KCNT1: variants seen among roughly 807,000 people sequenced by gnomAD.
KCNT1 encodes potassium sodium-activated channel subfamily T member 1.
A neutral mutation model predicts 147.8 loss-of-function variants in KCNT1; 78 were observed. The ratio of observed to expected loss-of-function variants is 0.53; its 90% CI spans 0.44 to 0.64. KCNT1 has a LOEUF of 0.64. KCNT1 is among the 30% of genes least tolerant of loss of function. The pLI, the probability that KCNT1 is intolerant of heterozygous loss-of-function variation, is 0.00. For synonymous variants in KCNT1, 867 were observed against 748.8 expected (o/e 1.16, Z -2.58); for missense variants, 1,419 against 1,750.3 (o/e 0.81, Z 3.38).
At chr9:135,718,939 C>T (rs906168008) in intron 2 of KCNT1, among the ~76,000 whole-genome samples, 25 of 152,216 alleles carry the variant, frequency 1.6e-4, no homozygotes, top group Non-Finnish European at 2.6e-4. Context: ...CCATCGGTAC[C>T]GCCCGGTGGA....
At chr9:135,738,000 G>A (rs1830411055) in intron 2 of KCNT1, among the ~76,000 whole-genome samples, 1 of 152,200 alleles carries the variant, frequency 6.6e-6, no homozygotes, top group Non-Finnish European at 1.5e-5. Flanking sequence ...CTGGCGTGGG[G>A]GGAAGGGGGA....
intron 2 of KCNT1, among the ~76,000 whole-genome samples, chr9:135,715,762 A>G (rs2131331917): frequency 6.6e-6 from 1 of 152,366 alleles, no homozygotes; most frequent in South Asian, 2.1e-4. Flanking sequence ...CATGAGGACC[A>G]TGAAGATTTG....
chr9:135,748,212 G>A (rs1300308630), intron 2 of KCNT1, among the ~76,000 whole-genome samples: 1 of 152,040 alleles, frequency 6.6e-6, no homozygotes, highest in Admixed American at 6.5e-5. Flanking sequence ...GGGATTATGG[G>A]CACGAGCCAC....
intron 2 of KCNT1, among the ~76,000 whole-genome samples, chr9:135,744,155 G>A (rs1435222837): frequency 6.6e-6 from 1 of 152,258 alleles, no homozygotes; most frequent in Admixed American, 6.5e-5. Context: ...GCCTGGAGCT[G>A]GTGTGGAGCT....
Position 135,757,203 on chromosome 9 carries a change from G to A in KCNT1, c.648G>A (p.Met216Ile), listed in dbSNP as rs769285406. Residue 216 changes from methionine to isoleucine, a missense_variant, in exon 8 of 31, where the codon ATG becomes ATA. Around this residue, in one of 5 missense-constraint regions of KCNT1, gnomAD observed 401 missense variants for 610.6 expected, o/e 0.66. Coordinates refer to ENST00000371757, the MANE Select transcript of KCNT1 (RefSeq NM_020822.3). ...TCCGCGTGTCCTTCGTCCTGGAGAT[G>A]ATCAACACTCTGCCCTTCATCATCA... is the stretch of plus-strand genomic sequence containing the variant. ...QIFRVSFVLEMINTLPFIITI... is the reference protein window; with the variant it reads ...QIFRVSFVLEIINTLPFIITI... 6.2e-7 allele frequency: 1 copy of A among 1,610,898 alleles called. No homozygotes were observed. The highest frequency in any genetic ancestry group is 8.5e-7 in the Non-Finnish European group (1 of 1,179,466).
At position 135,779,071 on chromosome 9, in the gene KCNT1, A is replaced by AC. The variant is rs1221407536; in HGVS notation, c.2729+254dup. Among the ~76,000 whole-genome samples the AC allele has an allele frequency of 1.9e-4, 15 of 78,186 alleles. 1 individual carries two copies. The highest frequency in any genetic ancestry group is 7.7e-4 in the African/African-American group (15 of 19,592). The allele number at this position is 78,186 out of a possible 152,430, so 51.3% of individuals were successfully genotyped here. A position where few individuals can be genotyped will look rare whatever the true frequency, so the allele number is the denominator to read the frequency against. On this transcript the variant is annotated intron_variant, in intron 23 of 30. Coordinates refer to ENST00000371757, the MANE Select transcript of KCNT1 (RefSeq NM_020822.3). ...CACAGCCATGGGACCACACCCTGAG[A>AC]CCCCCACAGCCATGGACTCTGCCCA...
At chr9:135,726,001 CTG>C (rs1363347613) in intron 2 of KCNT1, among the ~76,000 whole-genome samples, 1 of 152,138 alleles carries the variant, frequency 6.6e-6, no homozygotes, top group East Asian at 1.9e-4. Context: ...GGAGCCATGG[CTG>C]TGGGGGCTCG....
Position 135,792,343 on chromosome 9 carries a change from G to A in KCNT1, c.*182G>A, listed in dbSNP as rs1834603289. On this transcript the variant is annotated 3_prime_UTR_variant, in exon 31 of 31. Coordinates refer to ENST00000371757, the MANE Select transcript of KCNT1 (RefSeq NM_020822.3). Reference sequence around the variant, plus strand: ...GCGGGGGGAGGGCCAGCTCACCCCTGGGCACCTGCAGGCTAGTGAGGAGAG... The same window carrying A: ...GCGGGGGGAGGGCCAGCTCACCCCTAGGCACCTGCAGGCTAGTGAGGAGAG... 8.6e-6 allele frequency: 6 copies of A among 694,506 alleles called. No individual in the cohort carries two copies. The highest frequency in any genetic ancestry group is 1.4e-5 in the Non-Finnish European group (6 of 431,786). The allele number at this position is 694,506 out of a possible 1,614,324, so 43.0% of individuals were successfully genotyped here.
At chr9:135,716,175 G>C (rs912101128) in intron 2 of KCNT1, among the ~76,000 whole-genome samples, 5 of 152,216 alleles carry the variant, frequency 3.3e-5, no homozygotes, top group Non-Finnish European at 7.3e-5. Flanking sequence ...TGCCTGTTCA[G>C]CTGGGACTTG....
chr9:135,763,954 C>T lies in KCNT1; in HGVS notation c.1036-1077C>T, dbSNP rs144942858. Among the ~76,000 whole-genome samples, 100 of 152,262 alleles carry T rather than the reference C, an allele frequency of 6.6e-4. 2 individuals carry two copies. The highest frequency in any genetic ancestry group is 6.3e-3 in the Admixed American group (96 of 15,300). On this transcript the variant is annotated intron_variant, in intron 11 of 30. Coordinates refer to ENST00000371757, the MANE Select transcript of KCNT1 (RefSeq NM_020822.3). The stretch of plus-strand genomic sequence containing the variant: ...CAGCAGAGCCCCCGCCAGCACCATC[C>T]GCGGGGAAGCCTCTGTTCCGGTCGC...
chr9:135,721,581 G>A (rs547605850), intron 2 of KCNT1, among the ~76,000 whole-genome samples: 1 of 152,348 alleles, frequency 6.6e-6, no homozygotes, highest in East Asian at 1.9e-4. Context: ...AGAGCCTCGG[G>A]GCCGCCTGTC....
intron 10 of KCNT1, 39 bp from the exon 11 acceptor site, chr9:135,759,640 C>T (rs1346411166): frequency 6.4e-7 from 1 of 1,559,180 alleles, no homozygotes; most frequent in Non-Finnish European, 8.7e-7. Context: ...CCCCCCAGCT[C>T]CTGGGCCCCA....
intron 2 of KCNT1, chr9:135,742,746 T>C: frequency 1.4e-6 from 1 of 717,512 alleles, no homozygotes; most frequent in Non-Finnish European, 2.6e-6. Flanking sequence ...TCCCGCATTC[T>C]GGTTGATGCC....
intron 14 of KCNT1, 49 bp downstream of exon 14, chr9:135,768,722 G>A (rs773836756): frequency 3.4e-5 from 52 of 1,532,316 alleles, no homozygotes; most frequent in Middle Eastern, 1.9e-4. Flanking sequence ...CCGTGGGGCC[G>A]GGGAGCGGGG....
chr9:135,716,709 C>T (rs747624797), intron 2 of KCNT1, among the ~76,000 whole-genome samples: 1 of 152,120 alleles, frequency 6.6e-6, no homozygotes, highest in Non-Finnish European at 1.5e-5. Flanking sequence ...GGAGGTGGAC[C>T]GCTGGACGTG....
intron 21 of KCNT1, 75 bp downstream of exon 21, chr9:135,777,585 GCC>G: frequency 6.9e-7 from 1 of 1,448,996 alleles, no homozygotes; most frequent in South Asian, 1.3e-5. Context: ...CCCCAACTGG[GCC>G]CACCCTTCGC....
In KCNT1 at chr9:135,770,334, G is replaced by A. The variant is rs1165327237; in HGVS notation, c.1656G>A (p.Met552Ile). ...AGTCTCCGGAGCAGTGGCAGCGCAT[G>A]TATGGGCGCTGCTCCGGCAACGAGG... ...GQESPEQWQR[M>I]YGRCSGNEVY... Residue 552 changes from methionine to isoleucine, a missense_variant, in exon 17 of 31, where the codon ATG (methionine) becomes ATA (isoleucine). By Grantham distance (10) the Met-to-Ile change is conservative. Around this residue, in one of 5 missense-constraint regions of KCNT1, gnomAD observed 284 missense variants for 292.8 expected, o/e 0.97. Transcript: ENST00000371757. 3 of 1,611,906 alleles carry A rather than the reference G, an allele frequency of 1.9e-6. No homozygotes were observed. Among genetic ancestry groups the A allele is most frequent in the South Asian group, 1.1e-5 (1 of 90,930 alleles).
chr9:135,745,840 G>A (rs917833919), intron 2 of KCNT1, among the ~76,000 whole-genome samples: 1 of 152,198 alleles, frequency 6.6e-6, no homozygotes, highest in African/African-American at 2.4e-5. Context: ...CTGCCGGGCC[G>A]GGAGCATGCT....
In KCNT1 at chr9:135,751,397, G is replaced by A. The variant is rs553044095; in HGVS notation, c.434+356G>A. On this transcript the variant is annotated intron_variant, in intron 4 of 30. Transcript: ENST00000371757. ...GCTTCTGCAGGTCAGGGAAGGGGGC[G>A]CCCAGTCCCCCTGGGGAAAGCCCCT... Among the ~76,000 whole-genome samples the A allele has an allele frequency of 3.9e-5, 6 of 151,924 alleles. No homozygotes were observed. The East Asian group carries it at 5.8e-4, about 15-fold the overall frequency.
Sources: allele counts gnomAD v4.1 joint callset (sites outside exome capture counted in the v4.1 genomes callset), GRCh38; gene constraint gnomAD v4.1.1; regional missense constraint gnomAD v4.1.1; transcripts MANE v1.5; gene names NCBI Gene and HGNC (gene_info 2026-07-23, HGNC 2026-07-21).